The following ILDR2 variants were observed in gnomAD, a reference collection of about 807,000 sequenced individuals.
ILDR2 encodes the protein immunoglobulin-like domain-containing receptor 2.
Under a neutral mutation model 66.8 loss-of-function variants are expected in ILDR2, and 25 were observed. That is an observed-to-expected ratio of 0.37 (90% CI 0.27 to 0.52). The LOEUF is 0.52. Ranked by LOEUF, ILDR2 falls within the 20% of genes least tolerant of loss-of-function variation. The pLI, the probability that ILDR2 is intolerant of heterozygous loss-of-function variation, is 0.88. For missense variants in ILDR2, 827 were observed against 876.8 expected, an observed-to-expected ratio of 0.94 and a Z score of 0.72; for synonymous variants, 367 against 357.2, an observed-to-expected ratio of 1.03 and a Z score of -0.31.
intron 3 of ILDR2, among the ~76,000 whole-genome samples, chr1:166,941,679 A>G (rs907940782): frequency 6.6e-6 from 1 of 152,178 alleles, no homozygotes; most frequent in African/African-American, 2.4e-5. Context: ...TGTTTTTTTC[A>G]ATCTGCATAA....
Position 166,917,791 on chromosome 1 carries a change from C to T in ILDR2, c.*1564G>A, listed in dbSNP as rs1434875872. 6.6e-6 allele frequency: 1 copy of T among 152,206 alleles called. No homozygotes were observed. The highest frequency in any genetic ancestry group is 2.4e-5 in the African/African-American group (1 of 41,436). 9.4% of individuals were successfully genotyped at this position (152,206 alleles called of 1,614,324 possible). A position where few individuals can be genotyped will look rare whatever the true frequency, so the allele number is the denominator to read the frequency against. ...CTTCTATTGGTATCACCTGGACTCA[C>T]CCATGTCTGCATCAGCTGGAAGTTG... On this transcript the variant is annotated 3_prime_UTR_variant, in exon 10 of 10. Transcript: ENST00000271417.
intron 1 of ILDR2, among the ~76,000 whole-genome samples, chr1:166,967,757 AAAC>A (rs1198652386): frequency 1.3e-5 from 2 of 152,102 alleles, no homozygotes; most frequent in Admixed American, 6.5e-5. Context: ...CTCTGTCTCA[AAAC>A]AAAACAAAAC....
Position 166,921,473 on chromosome 1 carries a change from C to A in ILDR2, c.1212-94G>T. On this transcript the variant is annotated intron_variant, in intron 8 of 9. Transcript: ENST00000271417. This position sits in a 1 kb window ranked among gnomAD's most constrained non-coding sequence, Gnocchi z 5.3. Reference sequence around the variant, plus strand: ...GCACCCATCGTGTCCTGGGGCCACGCTCAGGAGACCTCGGCCTGAGCCTCA... The same window carrying A: ...GCACCCATCGTGTCCTGGGGCCACGATCAGGAGACCTCGGCCTGAGCCTCA... The A allele has an allele frequency of 9.7e-7, 1 of 1,030,768 alleles. No homozygotes were observed. The highest frequency in any genetic ancestry group is 1.4e-6 in the Non-Finnish European group (1 of 727,562). The allele number at this position is 1,030,768 out of a possible 1,614,324, so 63.9% of individuals were successfully genotyped here. A position where few individuals can be genotyped will look rare whatever the true frequency, so the allele number is the denominator to read the frequency against.
chr1:166,957,839 T>C lies in ILDR2; in HGVS notation c.309A>G (p.Val103=), dbSNP rs1177839922. The change falls in exon 2 of 10, where the codon GTA becomes GTG. Residue 103 remains valine, a synonymous_variant. Coordinates refer to ENST00000271417, the MANE Select transcript of ILDR2 (RefSeq NM_199351.3). ...TGACAGTCGAGCCCTGTTTTGAAGCTACTACTCGAACAGTCCTCCTGCTGT... is the reference window on the plus strand; with the variant it reads ...TGACAGTCGAGCCCTGTTTTGAAGCCACTACTCGAACAGTCCTCCTGCTGT... The part of the protein sequence containing the change: ...CLDSRRTVRV[V]ASKQGSTVTL... The C allele has an allele frequency of 6.2e-7, 1 of 1,614,086 alleles. No individual in the cohort carries two copies. Among genetic ancestry groups the C allele is most frequent in the African/African-American group, 1.3e-5 (1 of 74,934 alleles).
At chr1:166,943,699 A>G (rs1452293509) in intron 3 of ILDR2, 2 of 349,734 alleles carry the variant, frequency 5.7e-6, no homozygotes, top group Non-Finnish European at 8.0e-6. Context: ...CTTCTATCAT[A>G]TCCAATGAAG....
intron 3 of ILDR2, among the ~76,000 whole-genome samples, chr1:166,943,367 C>G (rs1281677676): frequency 6.6e-6 from 1 of 151,930 alleles, no homozygotes; most frequent in Admixed American, 6.5e-5. Context: ...TGGCGGGCGC[C>G]TGTAGTCCCA....
intron 7 of ILDR2, among the ~76,000 whole-genome samples, chr1:166,925,730 C>A (rs1660239116): frequency 6.6e-6 from 1 of 152,196 alleles, no homozygotes; most frequent in South Asian, 2.1e-4. Context: ...ATCTCTAAGA[C>A]CCCCTTTGAC....
At chr1:166,941,214 A>G (rs1661295282) in intron 3 of ILDR2, among the ~76,000 whole-genome samples, 1 of 152,156 alleles carries the variant, frequency 6.6e-6, no homozygotes, top group African/African-American at 2.4e-5. Flanking sequence ...GCCTTGGCAA[A>G]TACAGCTTCC....
In ILDR2 at chr1:166,920,991, C is replaced by T; in HGVS notation, c.1600G>A (p.Glu534Lys). ...YDHSYLGSAR[E>K]RQARPEGASR... ...GCGCCCTCGGGCCGCGCCTGGCGCT[C>T]CCGCGCGCTGCCCAGGTACGAGTGG... is the stretch of plus-strand genomic sequence containing the variant. The change falls in exon 9 of 10, where the codon GAG becomes AAG. Residue 534 changes from glutamate to lysine, a missense_variant. Glu to Lys is a moderately conservative substitution (Grantham distance 56). Around this residue, in one of 2 missense-constraint regions of ILDR2, gnomAD observed 390 missense variants for 353.6 expected, o/e 1.10. Transcript: ENST00000271417. 1.3e-6 allele frequency: 2 copies of T among 1,497,788 alleles called. No individual in the cohort carries two copies. Among genetic ancestry groups the T allele is most frequent in the Non-Finnish European group, 1.8e-6 (2 of 1,134,966 alleles). The allele number at this position is 1,497,788 out of a possible 1,614,324, so 92.8% of individuals were successfully genotyped here. A position where few individuals can be genotyped will look rare whatever the true frequency, so the allele number is the denominator to read the frequency against.
chr1:166,969,969 G>A (rs1420354343), intron 1 of ILDR2, among the ~76,000 whole-genome samples: 2 of 152,174 alleles, frequency 1.3e-5, no homozygotes, highest in African/African-American at 4.8e-5. Context: ...ATGGGATAAT[G>A]TCTATGAAAG....
chr1:166,950,817 CAGG>C (rs2101957420), intron 3 of ILDR2, among the ~76,000 whole-genome samples: 1 of 151,982 alleles, frequency 6.6e-6, no homozygotes, highest in Admixed American at 6.6e-5. Context: ...GGTTAAATCA[CAGG>C]AGGAGATAGA....
At chr1:166,903,950 A>G (rs1571255768), downstream of ILDR2, among the ~76,000 whole-genome samples, 4 of 152,248 alleles carry the variant, frequency 2.6e-5, no homozygotes, top group East Asian at 1.9e-4. Flanking sequence ...TCCTCTTAAC[A>G]GTCAATGTCC....
chr1:166,968,035 T>C (rs1184635145), intron 1 of ILDR2, among the ~76,000 whole-genome samples: 1 of 152,196 alleles, frequency 6.6e-6, no homozygotes, highest in Non-Finnish European at 1.5e-5. Context: ...TGTCCATGTC[T>C]AATCTACTCT....
At chr1:166,904,961 A>G (rs928475133), downstream of ILDR2, among the ~76,000 whole-genome samples, 5 of 152,184 alleles carry the variant, frequency 3.3e-5, no homozygotes, top group African/African-American at 1.2e-4. Flanking sequence ...CAAAAGAAAA[A>G]ATCCCTTTGT....
intron 7 of ILDR2, among the ~76,000 whole-genome samples, chr1:166,925,774 C>T (rs1660242389): frequency 6.6e-6 from 1 of 152,170 alleles, no homozygotes. Context: ...CCATTAAGCC[C>T]CTAGAGACCA....
intron 3 of ILDR2, among the ~76,000 whole-genome samples, chr1:166,955,482 C>T (rs1038798545): frequency 5.3e-5 from 8 of 152,162 alleles, no homozygotes; most frequent in South Asian, 2.1e-4. Context: ...TGGTGGTACA[C>T]GCCTGTAGTC....
chr1:166,900,470 G>C (rs996305111), intron 2 of ILDR2, among the ~76,000 whole-genome samples: 6 of 152,190 alleles, frequency 3.9e-5, no homozygotes, highest in African/African-American at 1.4e-4. Flanking sequence ...AAATGCAACA[G>C]ATATTGAAAA....
At chr1:166,939,692 A>G (rs1333546120) in intron 3 of ILDR2, 122 bp from the exon 4 acceptor site, 4 of 720,092 alleles carry the variant, frequency 5.6e-6, no homozygotes, top group South Asian at 1.6e-5. Context: ...TCTTTGTGAT[A>G]TGAGAAGCAC....
chr1:166,936,821 AG>A lies in ILDR2; in HGVS notation c.557-85del. 1.5e-6 allele frequency: 2 copies of A among 1,358,730 alleles called. No homozygotes were observed. Among genetic ancestry groups the A allele is most frequent in the Non-Finnish European group, 2.1e-6 (2 of 966,050 alleles). The allele number at this position is 1,358,730 out of a possible 1,614,324, so 84.2% of individuals were successfully genotyped here. On this transcript the variant is annotated intron_variant, in intron 4 of 9. Transcript: ENST00000271417. The surrounding 1 kb of genome is among the most constrained non-coding windows in gnomAD (Gnocchi z 5.0). ...ACTTTGATTGGCATCTCCCGGTGAA[AG>A]GGGGAGAGGAGGAGGGACCTAGGGA...
Sources: allele counts gnomAD v4.1 joint callset (sites outside exome capture counted in the v4.1 genomes callset), GRCh38; gene constraint gnomAD v4.1.1; regional missense constraint gnomAD v4.1.1; non-coding constraint Gnocchi (gnomAD v3.1); transcripts MANE v1.5; gene names NCBI Gene and HGNC (gene_info 2026-07-23, HGNC 2026-07-21).